Variants in SLC25A28 observed in about 807,000 individuals in gnomAD.
The protein encoded by SLC25A28 is mitoferrin-2.
In SLC25A28, 10 loss-of-function variants were observed where a neutral mutation model predicts 31.9. That is an observed-to-expected ratio of 0.31 (90% confidence interval 0.19 to 0.53). The LOEUF (loss-of-function observed/expected upper bound fraction) is 0.53. Among genes scored for constraint, SLC25A28 ranks in the 20% least tolerant of loss-of-function variants. The pLI, the probability that SLC25A28 is intolerant of heterozygous loss-of-function variation, is 0.95. For missense variants in SLC25A28, 256 were observed against 490.3 expected (o/e 0.52, Z 4.51); for synonymous variants, 208 against 203.6 (o/e 1.02, Z -0.19).
the SLC25A28 span, among the ~76,000 whole-genome samples, chr10:99,646,132 T>C: frequency 6.6e-6 from 1 of 152,210 alleles, no homozygotes; most frequent in Non-Finnish European, 1.5e-5. Context: ...TCTGCAGCTA[T>C]GTTCAGCTAT....
At position 99,613,744 on chromosome 10, in the gene SLC25A28, T is replaced by C. The variant is rs750275389; in HGVS notation, c.472A>G (p.Thr158Ala). 6 of 1,614,214 alleles carry C rather than the reference T, an allele frequency of 3.7e-6. No homozygotes were observed. Among genetic ancestry groups the C allele is most frequent in the South Asian group, 3.3e-5 (3 of 91,080 alleles). The change falls in exon 2 of 4, where the codon ACA becomes GCA. Residue 158 changes from threonine (T) to alanine (A), a missense_variant. Coordinates refer to ENST00000370495, the MANE Select transcript of SLC25A28 (RefSeq NM_031212.4). The surrounding 1 kb of genome is among the most constrained non-coding windows in gnomAD (Gnocchi z 4.9). Reference protein sequence around the residue: ...YFACYEKLKKTLSDVIHPGGN... With the variant: ...YFACYEKLKKALSDVIHPGGN... ...CCAGGGTGGATTACATCACTCAATG[T>C]CTTTTTTAACTTTTCGTAGCAGGCA...
upstream of SLC25A28, chr10:99,620,620 T>C (rs2034770040): frequency 1.0e-6 from 1 of 997,202 alleles, no homozygotes; most frequent in African/African-American, 1.7e-5. Flanking sequence ...CTTTTCCCCT[T>C]TGATCTTAGA....
chr10:99,652,698 ACTACGGG>A, the SLC25A28 span, among the ~76,000 whole-genome samples: 1 of 152,124 alleles, frequency 6.6e-6, no homozygotes, highest in Middle Eastern at 3.2e-3. Context: ...CTGTTCAAGT[ACTACGGG>A]CTTTTAGAAT....
chr10:99,630,526 A>T, the SLC25A28 span, among the ~76,000 whole-genome samples: 4 of 152,204 alleles, frequency 2.6e-5, no homozygotes, highest in African/African-American at 9.7e-5. Flanking sequence ...ATTCTGACAC[A>T]GGTGGTCCCT....
chr10:99,628,999 A>G, the SLC25A28 span, among the ~76,000 whole-genome samples: 1 of 152,218 alleles, frequency 6.6e-6, no homozygotes, highest in Admixed American at 6.5e-5. Flanking sequence ...TAGAATTACT[A>G]TATGACCCAG....
chr10:99,617,054 C>T (rs1028495980), intron 1 of SLC25A28: 2 of 985,310 alleles, frequency 2.0e-6, no homozygotes, highest in Non-Finnish European at 2.4e-6. Flanking sequence ...TTATCTCCCT[C>T]TGCTCTTCCC....
chr10:99,658,044 C>G, the SLC25A28 span, among the ~76,000 whole-genome samples: 3 of 151,960 alleles, frequency 2.0e-5, no homozygotes, highest in African/African-American at 7.3e-5. Flanking sequence ...AAAAAATAAG[C>G]TGGGCATGGT....
At chr10:99,619,374 G>A (rs1292373840) in intron 1 of SLC25A28, 3 of 985,228 alleles carry the variant, frequency 3.0e-6, no homozygotes, top group Non-Finnish European at 3.6e-6. Flanking sequence ...TGAACATACA[G>A]TCCTAATCCC....
At chr10:99,650,184 TTCTC>T in the SLC25A28 span, among the ~76,000 whole-genome samples, 4 of 152,280 alleles carry the variant, frequency 2.6e-5, no homozygotes, top group East Asian at 5.8e-4. Flanking sequence ...CTTAATTTCT[TTCTC>T]TCTTTTTCAG....
At position 99,613,606 on chromosome 10, in the gene SLC25A28, T is replaced by G. The variant is rs762508378; in HGVS notation, c.520+90A>C. Reference sequence around the variant, plus strand: ...GCCTATCCCAGCCCAAAGCTTCAGCTCCAAACCATGCTGAGACTGGAAAGC... The same window carrying G: ...GCCTATCCCAGCCCAAAGCTTCAGCGCCAAACCATGCTGAGACTGGAAAGC... On this transcript the variant is annotated intron_variant, in intron 2 of 3. Transcript: ENST00000370495. This position sits in a 1 kb window ranked among gnomAD's most constrained non-coding sequence, Gnocchi z 4.9. The G allele has an allele frequency of 5.0e-6, 8 of 1,593,328 alleles. No individual in the cohort carries two copies. In the East Asian group the frequency reaches 1.8e-4, roughly 36 times the overall value.
the SLC25A28 span, among the ~76,000 whole-genome samples, chr10:99,640,337 T>C: frequency 3.9e-5 from 6 of 152,192 alleles, no homozygotes; most frequent in Non-Finnish European, 5.9e-5. Flanking sequence ...GCAAGTTGAT[T>C]ATGGCTATTG....
chr10:99,610,612 A>C lies in SLC25A28; in HGVS notation c.*237T>G. The C allele has an allele frequency of 1.8e-6, 1 of 554,512 alleles. No individual in the cohort carries two copies. Among genetic ancestry groups the C allele is most frequent in the Non-Finnish European group, 3.2e-6 (1 of 309,146 alleles). 34.3% of individuals were successfully genotyped at this position (554,512 alleles called of 1,614,324 possible). A position where few individuals can be genotyped will look rare whatever the true frequency, so the allele number is the denominator to read the frequency against. Reference sequence around the variant, plus strand: ...GAGCAGGTCATCAGGCCCAGGATGGAGAGAGGTTATCAAAGGTGCTGTGGT... The same window carrying C: ...GAGCAGGTCATCAGGCCCAGGATGGCGAGAGGTTATCAAAGGTGCTGTGGT... On this transcript the variant is annotated 3_prime_UTR_variant, in exon 4 of 4. Coordinates refer to ENST00000370495, the MANE Select transcript of SLC25A28 (RefSeq NM_031212.4).
upstream of SLC25A28, among the ~76,000 whole-genome samples, chr10:99,623,588 A>C (rs1379732466): frequency 6.6e-6 from 1 of 152,186 alleles, no homozygotes; most frequent in Non-Finnish European, 1.5e-5. Context: ...GCCTGCCTCG[A>C]GGATCCCCTA....
At chr10:99,624,228 C>CTTTCTTT (rs1452358312), upstream of SLC25A28, among the ~76,000 whole-genome samples, 1 of 108,960 alleles carries the variant, frequency 9.2e-6, no homozygotes, top group Non-Finnish European at 2.0e-5. Context: ...TTTCTTTCTT[C>CTTTCTTT]TTTCTTTTTT....
At chr10:99,614,598 T>C (rs988204812) in intron 1 of SLC25A28, among the ~76,000 whole-genome samples, 1 of 152,178 alleles carries the variant, frequency 6.6e-6, no homozygotes, top group African/African-American at 2.4e-5. Context: ...ATCCCAAAAT[T>C]GGCATTAGCA....
chr10:99,616,369 G>T, intron 1 of SLC25A28: 1 of 821,840 alleles, frequency 1.2e-6, no homozygotes, highest in Non-Finnish European at 1.5e-6. Context: ...GCTGTTGTGG[G>T]GATTAAAAGA....
chr10:99,627,249 T>TA, the SLC25A28 span, among the ~76,000 whole-genome samples: 175 of 150,880 alleles, frequency 1.2e-3, no homozygotes, highest in Non-Finnish European at 1.9e-3. Context: ...AAAATAAAAA[T>TA]AAAAAAAAAG....
At chr10:99,640,886 G>C in the SLC25A28 span, among the ~76,000 whole-genome samples, 3 of 152,106 alleles carry the variant, frequency 2.0e-5, no homozygotes, top group Non-Finnish European at 2.9e-5. Context: ...CCCTACAAAG[G>C]ACATGAATTC....
At chr10:99,624,270 T>G (rs1021726341), upstream of SLC25A28, among the ~76,000 whole-genome samples, 4 of 151,550 alleles carry the variant, frequency 2.6e-5, no homozygotes, top group African/African-American at 9.7e-5. Context: ...TCTCTCTCTT[T>G]CTTTTGTAGA....
Sources: gnomAD v4.1 joint callset for allele counts (sites outside exome capture counted in the v4.1 genomes callset) on GRCh38, gnomAD v4.1.1 for gene constraint, Gnocchi (gnomAD v3.1) non-coding constraint, MANE v1.5 for transcripts, NCBI Gene and HGNC (gene_info 2026-07-23, HGNC 2026-07-21) for gene names.